Variants in DACH2 observed in about 807,000 individuals in gnomAD.
The protein encoded by DACH2 is dachshund family transcription factor 2.
A neutral mutation model predicts 35.8 loss-of-function variants in DACH2; 17 were observed. The ratio of observed to expected loss-of-function variants is 0.48; its 90% confidence interval spans 0.33 to 0.71. The LOEUF (loss-of-function observed/expected upper bound fraction) is 0.71, where lower values mean the gene tolerates loss of function less well. Among genes scored for constraint, DACH2 ranks in the 30% least tolerant of loss-of-function variants. DACH2 has a pLI of 0.02. For missense variants in DACH2, 469 were observed against 472.7 expected (o/e 0.99, Z 0.07); for synonymous variants, 195 against 177.3 (o/e 1.10, Z -0.79).
intron 1 of DACH2, among the ~76,000 whole-genome samples, chrX:86,250,850 A>C (rs765755639): frequency 5.9e-4 from 66 of 111,631 alleles, no homozygotes; most frequent in Admixed American, 1.6e-3. Context: ...ATCTGCTTTT[A>C]AAGGTAAGTG....
chrX:86,460,671 T>G (rs1009684766), intron 2 of DACH2, among the ~76,000 whole-genome samples: 1 of 110,899 alleles, frequency 9.0e-6, no homozygotes, highest in African/African-American at 3.3e-5. Context: ...CCAACAAAAC[T>G]TAGTGATCTA....
intron 3 of DACH2, among the ~76,000 whole-genome samples, chrX:86,619,914 T>G (rs2040050140): frequency 8.9e-6 from 1 of 112,079 alleles, no homozygotes; most frequent in South Asian, 3.7e-4. Context: ...GAGACTACAA[T>G]GCAGTTGTTA....
intron 1 of DACH2, among the ~76,000 whole-genome samples, chrX:86,294,776 G>A (rs6623636): frequency 2.8e-4 from 29 of 105,239 alleles, no homozygotes; most frequent in African/African-American, 6.6e-4. Context: ...CAGTCTGCCC[G>A]TTCTCAGATC....
At chrX:86,446,871 C>G (rs1446338839) in intron 2 of DACH2, among the ~76,000 whole-genome samples, 5 of 94,574 alleles carry the variant, frequency 5.3e-5, no homozygotes, top group African/African-American at 7.8e-5. Context: ...AATTGCCACA[C>G]TGACTTCCAC....
At chrX:86,253,739 A>G (rs1272673633) in intron 1 of DACH2, among the ~76,000 whole-genome samples, 1 of 111,516 alleles carries the variant, frequency 9.0e-6, no homozygotes, top group Non-Finnish European at 1.9e-5. Flanking sequence ...TAAGAACCAG[A>G]TGGATTTTGA....
chrX:86,424,742 A>G (rs1336497236), intron 2 of DACH2, among the ~76,000 whole-genome samples: 1 of 111,638 alleles, frequency 9.0e-6, no homozygotes, highest in African/African-American at 3.2e-5. Flanking sequence ...GACAGTGAAC[A>G]TCCTTGTTTT....
At chrX:86,392,907 A>T (rs1306284496) in intron 2 of DACH2, among the ~76,000 whole-genome samples, 1 of 111,032 alleles carries the variant, frequency 9.0e-6, no homozygotes, top group African/African-American at 3.3e-5. Flanking sequence ...CCTATGGGAC[A>T]TTTGGCAATG....
chrX:86,465,454 G>A (rs1413586553), intron 2 of DACH2, among the ~76,000 whole-genome samples: 6 of 111,601 alleles, frequency 5.4e-5, no homozygotes, highest in African/African-American at 1.6e-4. Flanking sequence ...ATAGCCTATG[G>A]CAGCTACTTA....
intron 1 of DACH2, among the ~76,000 whole-genome samples, chrX:86,216,605 A>G (rs182461904): frequency 2.8e-3 from 317 of 111,767 alleles, no homozygotes; most frequent in Non-Finnish European, 4.8e-3. Flanking sequence ...ATATAAATAA[A>G]AGTTTCATAT....
intron 3 of DACH2, among the ~76,000 whole-genome samples, chrX:86,575,797 T>C (rs2039428826): frequency 8.9e-6 from 1 of 111,852 alleles, no homozygotes; most frequent in South Asian, 3.7e-4. Context: ...GTTGTAGGAT[T>C]CTGGGAGAAC....
At chrX:86,270,459 A>C (rs1465279642) in intron 1 of DACH2, among the ~76,000 whole-genome samples, 2 of 111,760 alleles carry the variant, frequency 1.8e-5, no homozygotes, top group Non-Finnish European at 1.9e-5. Context: ...ACTTGTGAAT[A>C]GCTCACTCTC....
At chrX:86,434,745 C>A (rs950026321) in intron 2 of DACH2, among the ~76,000 whole-genome samples, 1 of 111,347 alleles carries the variant, frequency 9.0e-6, no homozygotes, top group African/African-American at 3.3e-5. Flanking sequence ...TAAAGAAATA[C>A]CAGAGACTGG....
chrX:86,210,272 G>T (rs1365429231), intron 1 of DACH2, among the ~76,000 whole-genome samples: 1 of 111,609 alleles, frequency 9.0e-6, no homozygotes, highest in Admixed American at 9.6e-5. Flanking sequence ...TTGTTCAAAA[G>T]CATGATTACT....
chrX:86,477,496 TG>T (rs1331245929), intron 2 of DACH2, among the ~76,000 whole-genome samples: 3 of 108,538 alleles, frequency 2.8e-5, no homozygotes, highest in African/African-American at 1.0e-4. Context: ...TGCTCTTTTT[TG>T]TTTTTTTTAT....
At chrX:86,291,038 G>T (rs1466028934) in intron 1 of DACH2, among the ~76,000 whole-genome samples, 2 of 103,533 alleles carry the variant, frequency 1.9e-5, no homozygotes, top group Non-Finnish European at 3.9e-5. Context: ...TCACGATATT[G>T]ATTCTTCCTA....
At chrX:86,442,683 G>A (rs66582885) in intron 2 of DACH2, among the ~76,000 whole-genome samples, 4,052 of 109,968 alleles carry the variant, frequency 0.037, 84 homozygotes, top group East Asian at 0.21. Context: ...TTCATTTCAG[G>A]TTTTGCATTT....
At chrX:86,297,315 G>T (rs769850126) in intron 1 of DACH2, among the ~76,000 whole-genome samples, 1 of 110,664 alleles carries the variant, frequency 9.0e-6, no homozygotes, top group Non-Finnish European at 1.9e-5. Flanking sequence ...CAACCTCCAT[G>T]ACTACACAGT....
chrX:86,493,403 ATC>A (rs1347137381), intron 2 of DACH2, among the ~76,000 whole-genome samples: 1 of 111,706 alleles, frequency 9.0e-6, no homozygotes, highest in Non-Finnish European at 1.9e-5. Flanking sequence ...TATGTACTAT[ATC>A]ACGGTGAAAG....
chrX:86,812,903 A>G lies in DACH2; in HGVS notation c.1288A>G (p.Ile430Val). ...AATAATGAAGTCACCCTTGGACAAG[A>G]TACAGCTGACTCCTGGGCAGGCATT... The part of the protein sequence containing the change: ...IPIMKSPLDK[I>V]QLTPGQALPA... Residue 430 changes from isoleucine (I) to valine (V), a missense_variant, in exon 8 of 12, where the codon ATA becomes GTA. Physicochemically the swap from Ile to Val is conservative, Grantham distance 29. Transcript: ENST00000373125. 8.3e-7 allele frequency: 1 copy of G among 1,207,806 alleles called. No homozygotes were observed. Among genetic ancestry groups the G allele is most frequent in the Non-Finnish European group, 1.1e-6 (1 of 892,917 alleles).
Sources: gnomAD v4.1 joint callset for allele counts (sites outside exome capture counted in the v4.1 genomes callset) on GRCh38, gnomAD v4.1.1 for gene constraint, MANE v1.5 for transcripts, NCBI Gene and HGNC (gene_info 2026-07-23, HGNC 2026-07-21) for gene names.